AFF3: variants seen among roughly 807,000 people sequenced by gnomAD.
The protein encoded by AFF3 is ALF transcription elongation factor 3, also known as AF4/FMR2 family member 3.
A neutral mutation model predicts 129.7 loss-of-function variants in AFF3; 32 were observed. That is an observed-to-expected ratio of 0.25 (90% CI 0.19 to 0.33). The LOEUF is 0.33. Among genes scored for constraint, AFF3 ranks in the 10% least tolerant of loss-of-function variants. AFF3 has a pLI of 1.00. For missense variants in AFF3, 1,373 were observed against 1,592.0 expected, an observed-to-expected ratio of 0.86 and a Z score of 2.34; for synonymous variants, 644 against 635.4, an observed-to-expected ratio of 1.01 and a Z score of -0.20.
intron 8 of AFF3, among the ~76,000 whole-genome samples, chr2:99,797,067 C>T (rs1231465055): frequency 2.0e-5 from 3 of 151,982 alleles, no homozygotes; most frequent in African/African-American, 7.2e-5. Context: ...TGGGTCCAAC[C>T]AAAGATTACC....
At chr2:99,930,839 T>TTCA (rs61347107) in intron 7 of AFF3, among the ~76,000 whole-genome samples, 7,909 of 152,292 alleles carry the variant, frequency 0.052, 479 homozygotes, top group African/African-American at 0.14. Context: ...ATTCATGGTT[T>TTCA]TCAAGGACAT....
intron 8 of AFF3, among the ~76,000 whole-genome samples, chr2:99,782,590 G>T (rs1684495938): frequency 6.6e-6 from 1 of 152,210 alleles, no homozygotes; most frequent in African/African-American, 2.4e-5. Context: ...CAGTCAACAA[G>T]CATTTGCTCA....
chr2:99,589,278 G>A (rs760945387), intron 15 of AFF3, among the ~76,000 whole-genome samples: 3 of 152,120 alleles, frequency 2.0e-5, no homozygotes, highest in Non-Finnish European at 2.9e-5. Flanking sequence ...AAGACAGGGT[G>A]TGTAGAGAAA....
chr2:99,824,070 AC>A lies in AFF3; in HGVS notation c.921+13406del, dbSNP rs922133917. On this transcript the variant is annotated intron_variant, in intron 8 of 24. Transcript: ENST00000672756. ...TACCCATGTAACAAACATGCCATGT[AC>A]CCCCCAATCTAAAATAAGATTAAAA... Among the ~76,000 whole-genome samples, 25 of 151,854 alleles carry A rather than the reference AC, an allele frequency of 1.6e-4. No homozygotes were observed. The South Asian group carries it at 4.6e-3, about 28-fold the overall frequency.
chr2:99,559,552 T>C (rs1428846853), intron 21 of AFF3, among the ~76,000 whole-genome samples: 1 of 152,270 alleles, frequency 6.6e-6, no homozygotes, highest in Non-Finnish European at 1.5e-5. Flanking sequence ...ATCAGTATTC[T>C]ATCTTATATA....
chr2:99,964,886 G>C (rs1677590042), intron 7 of AFF3, among the ~76,000 whole-genome samples: 1 of 152,160 alleles, frequency 6.6e-6, no homozygotes, highest in Non-Finnish European at 1.5e-5. Context: ...GAAAATGGGT[G>C]AAGGGTACAC....
At chr2:99,839,224 C>A (rs1209349281) in intron 7 of AFF3, among the ~76,000 whole-genome samples, 4 of 152,128 alleles carry the variant, frequency 2.6e-5, no homozygotes, top group African/African-American at 9.7e-5. Context: ...ATTCTTCTGC[C>A]TCAGCCTCTC....
chr2:99,826,383 A>G (rs1348347514), intron 8 of AFF3, among the ~76,000 whole-genome samples: 1 of 152,194 alleles, frequency 6.6e-6, no homozygotes, highest in Non-Finnish European at 1.5e-5. Context: ...GTAGATAACA[A>G]CAGCCCAGGA....
chr2:99,722,725 G>A (rs1250866009), intron 11 of AFF3, among the ~76,000 whole-genome samples: 1 of 152,186 alleles, frequency 6.6e-6, no homozygotes, highest in Non-Finnish European at 1.5e-5. Flanking sequence ...CAGTTTAGGG[G>A]TTATTCAAGG....
At chr2:99,668,082 C>T (rs1032048382) in intron 12 of AFF3, among the ~76,000 whole-genome samples, 1 of 151,966 alleles carries the variant, frequency 6.6e-6, no homozygotes, top group Non-Finnish European at 1.5e-5. Context: ...GGCGTGAACC[C>T]AGGAGGCAGA....
chr2:99,924,430 G>C (rs1391133656), intron 7 of AFF3, among the ~76,000 whole-genome samples: 1 of 152,028 alleles, frequency 6.6e-6, no homozygotes, highest in Non-Finnish European at 1.5e-5. Context: ...CTTTATTATA[G>C]CTCCTACTTA....
intron 19 of AFF3, 25 bp downstream of exon 19, chr2:99,568,827 G>A (rs755942603): frequency 9.3e-6 from 15 of 1,609,316 alleles, no homozygotes; most frequent in South Asian, 7.7e-5. Flanking sequence ...TTGGAAGAAC[G>A]TATCTGGAAA....
intron 13 of AFF3, among the ~76,000 whole-genome samples, chr2:99,637,893 G>T (rs1194240559): frequency 6.6e-6 from 1 of 152,100 alleles, no homozygotes; most frequent in African/African-American, 2.4e-5. Flanking sequence ...TGTTGTCCTT[G>T]GTCTAGAAGG....
chr2:99,682,950 G>A (rs1212295936), intron 11 of AFF3, among the ~76,000 whole-genome samples: 1 of 152,200 alleles, frequency 6.6e-6, no homozygotes, highest in African/African-American at 2.4e-5. Flanking sequence ...ACTGTTAGCA[G>A]TTTTCTGTTA....
chr2:99,581,032 A>G lies in AFF3; in HGVS notation c.2793+1766T>C, dbSNP rs139581766. On this transcript the variant is annotated intron_variant, in intron 17 of 24. Coordinates refer to ENST00000672756, the MANE Select transcript of AFF3 (RefSeq NM_001386135.1). ...TGAAACCATTGGTGGTGAATCATGC[A>G]TGTGTGTGATCCCCTGTATAAGGCT... Among the ~76,000 whole-genome samples, 9 of 152,294 alleles carry G rather than the reference A, an allele frequency of 5.9e-5. No individual in the cohort carries two copies. The East Asian group carries it at 1.7e-3, about 29-fold the overall frequency.
rs527993500 is a variant in AFF3, at chr2:99,850,878, G to A, written c.874-13354C>T. The stretch of plus-strand genomic sequence containing the variant: ...GCTAACAAATTAAATGGATTAATTG[G>A]GTAGAGATTTGAGAGATTATAATTA... On this transcript the variant is annotated intron_variant, in intron 7 of 24. Transcript: ENST00000672756. Among the ~76,000 whole-genome samples, 29 of 152,172 alleles carry A rather than the reference G, an allele frequency of 1.9e-4. 1 individual carries two copies. The East Asian group carries it at 5.6e-3, about 29-fold the overall frequency.
At chr2:99,873,642 G>A (rs1692044835) in intron 7 of AFF3, among the ~76,000 whole-genome samples, 1 of 151,720 alleles carries the variant, frequency 6.6e-6, no homozygotes. Flanking sequence ...CTATGGAGAT[G>A]CCATCTATGG....
At chr2:99,645,738 G>A (rs538482776) in intron 13 of AFF3, among the ~76,000 whole-genome samples, 8 of 152,192 alleles carry the variant, frequency 5.3e-5, no homozygotes, top group Non-Finnish European at 1.0e-4. Context: ...TAAAATTTAT[G>A]TAACGGAAAT....
At chr2:100,085,288 T>C (rs2105376208) in intron 4 of AFF3, among the ~76,000 whole-genome samples, 1 of 145,500 alleles carries the variant, frequency 6.9e-6, no homozygotes, top group Middle Eastern at 3.5e-3. Flanking sequence ...AGCCCCTTGC[T>C]GTCCAAGAGA....
Sources: allele counts gnomAD v4.1 joint callset (sites outside exome capture counted in the v4.1 genomes callset), GRCh38; gene constraint gnomAD v4.1.1; transcripts MANE v1.5; gene names NCBI Gene and HGNC (gene_info 2026-07-23, HGNC 2026-07-21).